DIS3L2: variants seen among roughly 807,000 people sequenced by gnomAD.
DIS3L2 encodes the protein DIS3-like exonuclease 2.
Under a neutral mutation model 97.5 loss-of-function variants are expected in DIS3L2, and 34 were observed. That is an observed-to-expected ratio of 0.35 (90% CI 0.27 to 0.46). DIS3L2 has a LOEUF of 0.46. Ranked by LOEUF, DIS3L2 falls within the 20% of genes least tolerant of loss-of-function variation. The pLI is 1.00. For synonymous variants in DIS3L2, 435 were observed against 445.2 expected (o/e 0.98, Z 0.29); for missense variants, 1,038 against 1,146.0 (o/e 0.91, Z 1.36).
At chr2:232,326,199 G>A (rs1346388402) in intron 14 of DIS3L2, among the ~76,000 whole-genome samples, 1 of 152,150 alleles carries the variant, frequency 6.6e-6, no homozygotes, top group Non-Finnish European at 1.5e-5. Context: ...GAGGCTGGGC[G>A]CCACCTGCTG....
At chr2:231,968,456 A>G (rs1421535612) in intron 1 of DIS3L2, among the ~76,000 whole-genome samples, 1 of 152,240 alleles carries the variant, frequency 6.6e-6, no homozygotes, top group Admixed American at 6.5e-5. Flanking sequence ...CTTATTTTAT[A>G]TAAATGGAAC....
chr2:231,984,501 C>T lies in DIS3L2; in HGVS notation c.-94+22736C>T, dbSNP rs1451764160. On this transcript the variant is annotated intron_variant, in intron 1 of 20. Coordinates refer to ENST00000325385, the MANE Select transcript of DIS3L2 (RefSeq NM_152383.5). ...TCCCGGGTTCACGCCATTCTCCTGC[C>T]TCAGCCTCCCAAGTAGCTGGGACTA... Among the ~76,000 whole-genome samples the T allele has an allele frequency of 7.3e-5, 11 of 151,642 alleles. No homozygotes were observed. The South Asian group carries it at 2.1e-3, about 29-fold the overall frequency.
chr2:232,299,161 G>A (rs1255523058), intron 13 of DIS3L2, among the ~76,000 whole-genome samples: 4 of 151,996 alleles, frequency 2.6e-5, no homozygotes, highest in African/African-American at 7.3e-5. Flanking sequence ...TTGTTGATTC[G>A]ACTTCTAAAA....
chr2:232,207,593 C>T (rs1441176907), intron 9 of DIS3L2, among the ~76,000 whole-genome samples: 2 of 152,156 alleles, frequency 1.3e-5, no homozygotes, highest in Non-Finnish European at 2.9e-5. Flanking sequence ...GTGTGACTCT[C>T]CTCGAAATAT....
intron 1 of DIS3L2, among the ~76,000 whole-genome samples, chr2:232,002,090 A>G (rs144974703): frequency 4.6e-4 from 70 of 152,236 alleles, no homozygotes; most frequent in African/African-American, 1.5e-3. Context: ...TCTTCTGCAA[A>G]TAGAAATCCG....
chr2:231,985,999 T>G (rs1475079760), intron 1 of DIS3L2, among the ~76,000 whole-genome samples: 1 of 152,094 alleles, frequency 6.6e-6, no homozygotes, highest in Non-Finnish European at 1.5e-5. Context: ...GCTTGCTGAG[T>G]CGTCTGGCTT....
At chr2:231,970,409 A>G (rs1692869371) in intron 1 of DIS3L2, among the ~76,000 whole-genome samples, 1 of 152,232 alleles carries the variant, frequency 6.6e-6, no homozygotes. Flanking sequence ...GTAGCCTACT[A>G]CACACCTAGG....
chr2:232,038,576 G>A (rs1042845712), intron 5 of DIS3L2, among the ~76,000 whole-genome samples: 9 of 152,164 alleles, frequency 5.9e-5, no homozygotes, highest in African/African-American at 2.2e-4. Context: ...GCCAAAATAA[G>A]CAAACATATG....
chr2:232,237,371 A>G (rs746742770), intron 10 of DIS3L2, among the ~76,000 whole-genome samples: 17 of 152,176 alleles, frequency 1.1e-4, no homozygotes, highest in Non-Finnish European at 2.2e-4. Context: ...GAGCAGTTCT[A>G]AAAGGAAAAA....
In DIS3L2 at chr2:232,334,002, CG is replaced by C; in HGVS notation, c.2158+19del. 1 of 1,574,492 alleles carries C rather than the reference CG, an allele frequency of 6.4e-7. No homozygotes were observed. Among genetic ancestry groups the C allele is most frequent in the African/African-American group, 1.4e-5 (1 of 73,776 alleles). On this transcript the variant is annotated intron_variant, in intron 17 of 20. Coordinates refer to ENST00000325385, the MANE Select transcript of DIS3L2 (RefSeq NM_152383.5). ...TGCCGCGTTAGGTGAGGGGTGCAGT[CG>C]GGGTCAGGGCAGACCTGGGCCAGCT...
chr2:232,322,043 G>A (rs1205236976), intron 14 of DIS3L2, among the ~76,000 whole-genome samples: 1 of 152,206 alleles, frequency 6.6e-6, no homozygotes. Flanking sequence ...GGGAGGAGGC[G>A]CCCTTAGCAG....
At chr2:232,097,684 C>T (rs866790013) in intron 6 of DIS3L2, among the ~76,000 whole-genome samples, 3 of 152,088 alleles carry the variant, frequency 2.0e-5, no homozygotes, top group African/African-American at 7.2e-5. Context: ...GAAGTGATGC[C>T]ATGTAAGAGC....
At chr2:232,174,428 A>C (rs1170005351) in intron 9 of DIS3L2, among the ~76,000 whole-genome samples, 3 of 151,850 alleles carry the variant, frequency 2.0e-5, no homozygotes, top group Admixed American at 1.3e-4. Flanking sequence ...TCTATTAAAA[A>C]TACAAAAATT....
chr2:232,264,285 A>T (rs1038716271), intron 13 of DIS3L2, among the ~76,000 whole-genome samples: 15 of 152,320 alleles, frequency 9.8e-5, no homozygotes, highest in Non-Finnish European at 2.1e-4. Flanking sequence ...AGTATGGCCC[A>T]TGGCCCGGCA....
At chr2:232,019,195 A>C (rs1215346982) in intron 3 of DIS3L2, among the ~76,000 whole-genome samples, 1 of 152,156 alleles carries the variant, frequency 6.6e-6, no homozygotes, top group Admixed American at 6.5e-5. Flanking sequence ...CTCTCTGAAA[A>C]ATCCTAGTCC....
chr2:232,319,135 G>T (rs1462429708), intron 14 of DIS3L2, among the ~76,000 whole-genome samples: 1 of 152,172 alleles, frequency 6.6e-6, no homozygotes, highest in Non-Finnish European at 1.5e-5. Context: ...AGCACCCAGT[G>T]TCTTGTGTGG....
intron 19 of DIS3L2, chr2:232,335,552 C>T (rs1039224721): frequency 1.7e-6 from 1 of 584,952 alleles, no homozygotes; most frequent in Non-Finnish European, 3.1e-6. Context: ...CACACAGAGC[C>T]ACGGGCCTTC....
In DIS3L2 at chr2:232,293,347, T is replaced by C. The variant is rs1284247181; in HGVS notation, c.1660-6693T>C. ...TGACATTGGACACCTGCTGTGACAGTGATAAGGACACCGATTGCCCAGGAG... is the reference window on the plus strand; with the variant it reads ...TGACATTGGACACCTGCTGTGACAGCGATAAGGACACCGATTGCCCAGGAG... On this transcript the variant is annotated intron_variant, in intron 13 of 20. Transcript: ENST00000325385. The surrounding 1 kb of genome is among the most constrained non-coding windows in gnomAD (Gnocchi z 4.6). 6.6e-6 allele frequency among the ~76,000 whole-genome samples: 1 copy of C among 152,182 alleles called. No individual in the cohort carries two copies. The highest frequency in any genetic ancestry group is 1.5e-5 in the Non-Finnish European group (1 of 68,030).
intron 1 of DIS3L2, among the ~76,000 whole-genome samples, chr2:231,981,598 T>TCA (rs1693257935): frequency 1.2e-5 from 1 of 84,070 alleles, no homozygotes; most frequent in East Asian, 4.7e-4. Context: ...GTTAAGTATT[T>TCA]TATATATATA....
Sources: allele counts gnomAD v4.1 joint callset (sites outside exome capture counted in the v4.1 genomes callset), GRCh38; gene constraint gnomAD v4.1.1; non-coding constraint Gnocchi (gnomAD v3.1); transcripts MANE v1.5; gene names NCBI Gene and HGNC (gene_info 2026-07-23, HGNC 2026-07-21).